The following ZCCHC14 variants were observed in gnomAD, a reference collection of about 807,000 sequenced individuals.
ZCCHC14 encodes the protein zinc finger CCHC-type containing 14, also known as zinc finger CCHC domain-containing protein 14.
In ZCCHC14, 16 loss-of-function variants were observed where a neutral mutation model predicts 85.0. The observed-to-expected ratio is 0.19, with a 90% CI of 0.13 to 0.29. The LOEUF is 0.29. ZCCHC14 is among the 10% of genes least tolerant of loss of function. The pLI is 1.00. For missense variants in ZCCHC14, 1,303 were observed against 1,443.5 expected (o/e 0.90, Z 1.58); for synonymous variants, 775 against 630.7 (o/e 1.23, Z -3.43).
Position 87,467,583 on chromosome 16 carries a change from TG to T in ZCCHC14, c.571-7453del. 6.2e-6 allele frequency: 9 copies of T among 1,440,894 alleles called. No individual in the cohort carries two copies. The South Asian group carries it at 1.0e-4, about 16-fold the overall frequency. The allele number at this position is 1,440,894 out of a possible 1,614,324, so 89.3% of individuals were successfully genotyped here. ...ACCAATTCCCGTTGGTTCTGAAAAT[TG>T]GAATAGGTGTCAAGGATCTGGAGAT... On this transcript the variant is annotated intron_variant, in intron 1 of 12. Coordinates refer to ENST00000671377, the MANE Select transcript of ZCCHC14 (RefSeq NM_015144.3).
rs1289441574 is a variant in ZCCHC14, at chr16:87,492,541, C to G, written c.-303G>C. On this transcript the variant is annotated 5_prime_UTR_variant, in exon 1 of 13. Transcript: ENST00000671377. The surrounding 1 kb of genome is among the most constrained non-coding windows in gnomAD (Gnocchi z 6.7). ...CGGGCCCCCCGCTCACGGGGAGGCGCCTTCCCCGCGCCCGTGCCCAGCGGC... is the reference window on the plus strand; with the variant it reads ...CGGGCCCCCCGCTCACGGGGAGGCGGCTTCCCCGCGCCCGTGCCCAGCGGC... The G allele has an allele frequency of 6.9e-6, 1 of 145,794 alleles. No homozygotes were observed. Among genetic ancestry groups the G allele is most frequent in the African/African-American group, 2.5e-5 (1 of 40,600 alleles). 9.0% of individuals were successfully genotyped at this position (145,794 alleles called of 1,614,324 possible).
chr16:87,489,247 GAA>G (rs1338073684), intron 1 of ZCCHC14, among the ~76,000 whole-genome samples: 1 of 152,094 alleles, frequency 6.6e-6, no homozygotes, highest in African/African-American at 2.4e-5. Flanking sequence ...CGGTTGTTTT[GAA>G]ATACGGAAAT....
chr16:87,458,100 GA>G (rs10712790), intron 2 of ZCCHC14, among the ~76,000 whole-genome samples: 112,810 of 144,822 alleles, frequency 0.78, 43,864 homozygotes, highest in African/African-American at 0.82. Context: ...AAATTATACA[GA>G]AAAAAAAAAA....
rs373478972 is a variant in ZCCHC14 at position 87,459,972 on chromosome 16, G to A, written c.694+36C>T. On this transcript the variant is annotated intron_variant, in intron 2 of 12. Transcript: ENST00000671377. The stretch of plus-strand genomic sequence containing the variant: ...TCTGGGGTGTGCCCATCCTCCGTCC[G>A]TCAGACGTCCTCCTGAAACCCGTGC... 1.6e-4 allele frequency: 259 copies of A among 1,613,568 alleles called. 2 individuals carry two copies. The South Asian group carries it at 2.4e-3, about 15-fold the overall frequency.
intron 2 of ZCCHC14, among the ~76,000 whole-genome samples, chr16:87,455,952 C>T (rs76860543): frequency 0.016 from 2,459 of 152,290 alleles, 24 homozygotes; most frequent in Middle Eastern, 0.048. Flanking sequence ...TGATGTGTAG[C>T]AGGTGTGGTG....
At chr16:87,461,633 A>C (rs964603907) in intron 1 of ZCCHC14, among the ~76,000 whole-genome samples, 3 of 152,160 alleles carry the variant, frequency 2.0e-5, no homozygotes, top group African/African-American at 7.2e-5. Flanking sequence ...AGATCCCAGC[A>C]CTCGCTCTGC....
intron 2 of ZCCHC14, among the ~76,000 whole-genome samples, chr16:87,449,561 G>C (rs949891539): frequency 1.3e-5 from 2 of 152,018 alleles, no homozygotes; most frequent in Admixed American, 6.6e-5. Context: ...TAGGTCAACA[G>C]AGACCTACAG....
intron 4 of ZCCHC14, 101 bp downstream of exon 4, chr16:87,423,709 C>T (rs1909223821): frequency 8.1e-6 from 11 of 1,365,778 alleles, no homozygotes; most frequent in East Asian, 2.3e-5. Context: ...CACGCTCACT[C>T]GCTAGCTGAA....
intron 3 of ZCCHC14, among the ~76,000 whole-genome samples, chr16:87,431,545 T>A (rs2044074041): frequency 6.6e-6 from 1 of 151,230 alleles, no homozygotes; most frequent in African/African-American, 2.4e-5. Context: ...TTGTATGAAG[T>A]TCTCACACCT....
At chr16:87,414,216 G>A (rs1165031167) in intron 10 of ZCCHC14, among the ~76,000 whole-genome samples, 198 bp downstream of exon 10, 1 of 150,954 alleles carries the variant, frequency 6.6e-6, no homozygotes, top group South Asian at 2.1e-4. Context: ...CTCTGTGTAC[G>A]AGTAACCCAC....
intron 1 of ZCCHC14, among the ~76,000 whole-genome samples, chr16:87,462,212 AT>A (rs1422032039): frequency 2.0e-5 from 3 of 152,124 alleles, no homozygotes; most frequent in African/African-American, 4.8e-5. Context: ...AGAAAATAAA[AT>A]TTTTTGAATT....
rs1567544326 is a variant in ZCCHC14 at position 87,481,530 on chromosome 16, G to A, written c.570+10139C>T. 6.6e-3 allele frequency among the ~76,000 whole-genome samples: 165 copies of A among 25,160 alleles called. 9 individuals are homozygous for A. Among genetic ancestry groups the A allele is most frequent in the Non-Finnish European group, 0.012 (104 of 9,016 alleles). 16.5% of individuals were successfully genotyped at this position (25,160 alleles called of 152,430 possible). Reference sequence around the variant, plus strand: ...CAAGTGTGGCAGGGAGAGAAACGGGGGGGGGGGGGGGTGGGGGGGGGGAAG... The same window carrying A: ...CAAGTGTGGCAGGGAGAGAAACGGGAGGGGGGGGGGGTGGGGGGGGGGAAG... On this transcript the variant is annotated intron_variant, in intron 1 of 12. Coordinates refer to ENST00000671377, the MANE Select transcript of ZCCHC14 (RefSeq NM_015144.3).
At chr16:87,428,900 G>T (rs1434024055) in intron 3 of ZCCHC14, among the ~76,000 whole-genome samples, 4 of 4,476 alleles carry the variant, frequency 8.9e-4, no homozygotes, top group Non-Finnish European at 2.4e-3. Flanking sequence ...ATTACTGCCG[G>T]GGGTGGTATT....
At chr16:87,437,363 A>C (rs1315902640) in intron 2 of ZCCHC14, among the ~76,000 whole-genome samples, 1 of 135,376 alleles carries the variant, frequency 7.4e-6, no homozygotes, top group Non-Finnish European at 1.6e-5. Context: ...AAAAAAAAAA[A>C]AATTCAGGGG....
chr16:87,464,165 C>T (rs988908370), intron 1 of ZCCHC14, among the ~76,000 whole-genome samples: 1 of 152,176 alleles, frequency 6.6e-6, no homozygotes, highest in Middle Eastern at 3.2e-3. Flanking sequence ...TCTCAGCCTG[C>T]TAGGGGAGGA....
intron 2 of ZCCHC14, among the ~76,000 whole-genome samples, chr16:87,442,196 C>G (rs1375972579): frequency 6.6e-6 from 1 of 152,164 alleles, no homozygotes; most frequent in Non-Finnish European, 1.5e-5. Flanking sequence ...GAGTCTGAGG[C>G]TGGACGGCAA....
In ZCCHC14 at chr16:87,460,031, C is replaced by T. The variant is rs914849817; in HGVS notation, c.671G>A (p.Arg224Lys). Residue 224 changes from arginine (R) to lysine (K), a missense_variant, in exon 2 of 13, where the codon AGG becomes AAG. Transcript: ENST00000671377. ...AHSTEESLPKRPLGKHSKVSV... is the reference protein window; with the variant it reads ...AHSTEESLPKKPLGKHSKVSV... ...ACCTTTGCTGTGTTTTCCTAAGGGCCTCTTGGGCAGCGACTCCTCCGTGGA... is the reference window on the plus strand; with the variant it reads ...ACCTTTGCTGTGTTTTCCTAAGGGCTTCTTGGGCAGCGACTCCTCCGTGGA... 26 of 1,614,004 alleles carry T rather than the reference C, an allele frequency of 1.6e-5. No individual in the cohort carries two copies. Among genetic ancestry groups the T allele is most frequent in the Non-Finnish European group, 1.7e-5 (20 of 1,180,026 alleles).
At chr16:87,477,142 C>CAAAAAAAAAAAAAAAA (rs1567542354) in intron 1 of ZCCHC14, among the ~76,000 whole-genome samples, 1 of 78,606 alleles carries the variant, frequency 1.3e-5, no homozygotes, top group African/African-American at 6.7e-5. Context: ...AAAAAAAAAA[C>CAAAAAAAAAAAAAAAA]AAAACAAAAC....
At chr16:87,415,713 T>C (rs185788950) in intron 8 of ZCCHC14, among the ~76,000 whole-genome samples, 1 of 152,284 alleles carries the variant, frequency 6.6e-6, no homozygotes, top group Admixed American at 6.5e-5. Context: ...AGCAGGTACA[T>C]GCTTTGGGGC....
Sources: gnomAD v4.1 joint callset for allele counts (sites outside exome capture counted in the v4.1 genomes callset) on GRCh38, gnomAD v4.1.1 for gene constraint, Gnocchi (gnomAD v3.1) non-coding constraint, MANE v1.5 for transcripts, NCBI Gene and HGNC (gene_info 2026-07-23, HGNC 2026-07-21) for gene names.